Variants in DDX55 observed in about 807,000 individuals in gnomAD.
The protein encoded by DDX55 is ATP-dependent RNA helicase DDX55.
DDX55 carries 56 observed loss-of-function variants against 69.2 expected under a neutral mutation model. That is an observed-to-expected ratio of 0.81 (90% CI 0.65 to 1.01). The LOEUF is 1.01. DDX55 is among the 50% of genes least tolerant of loss of function. The pLI, the probability that DDX55 is intolerant of heterozygous loss-of-function variation, is 0.00. For missense variants in DDX55, 720 were observed against 745.1 expected, an observed-to-expected ratio of 0.97 and a Z score of 0.39; for synonymous variants, 268 against 273.1, an observed-to-expected ratio of 0.98 and a Z score of 0.18.
chr12:123,619,881 T>C (rs1175190658), intron 13 of DDX55, 83 bp from the exon 14 acceptor site: 8 of 1,533,474 alleles, frequency 5.2e-6, no homozygotes, highest in South Asian at 2.7e-5. Context: ...TGAGAGCTTA[T>C]AGTTCTTGAG....
Position 123,613,031 on chromosome 12 carries a change from C to A in DDX55, c.742-139C>A, listed in dbSNP as rs1954381573. ...GATATTTATTCTGAGCTAGGTAGAC[C>A]AGTTAACATTCCGACTAAAGTCTGT... is the stretch of plus-strand genomic sequence containing the variant. On this transcript the variant is annotated intron_variant, in intron 7 of 13. Coordinates refer to ENST00000238146, the MANE Select transcript of DDX55 (RefSeq NM_020936.3). 6.4e-6 allele frequency: 5 copies of A among 783,882 alleles called. No individual in the cohort carries two copies. The Admixed American group carries it at 1.1e-4, about 18-fold the overall frequency. The allele number at this position is 783,882 out of a possible 1,614,324, so 48.6% of individuals were successfully genotyped here.
chr12:123,619,867 A>G lies in DDX55; in HGVS notation c.1627-97A>G, dbSNP rs961579996. On this transcript the variant is annotated intron_variant, in intron 13 of 13. Coordinates refer to ENST00000238146, the MANE Select transcript of DDX55 (RefSeq NM_020936.3). ...GGAATTTGCTCTATTTGCAGAAGCC[A>G]ATCTGAGAGCTTATAGTTCTTGAGT... is the stretch of plus-strand genomic sequence containing the variant. 1.2e-5 allele frequency: 18 copies of G among 1,525,496 alleles called. No individual in the cohort carries two copies. The South Asian group carries it at 1.5e-4, about 13-fold the overall frequency. The allele number at this position is 1,525,496 out of a possible 1,614,324, so 94.5% of individuals were successfully genotyped here. A position where few individuals can be genotyped will look rare whatever the true frequency, so the allele number is the denominator to read the frequency against.
chr12:123,617,861 A>C lies in DDX55; in HGVS notation c.1153A>C (p.Ile385Leu), dbSNP rs748310118. The C allele has an allele frequency of 1.2e-6, 2 of 1,614,108 alleles. No homozygotes were observed. Among genetic ancestry groups the C allele is most frequent in the Non-Finnish European group, 1.7e-6 (2 of 1,179,996 alleles). ...AGAGTCATACATCAATTTCCTTGCA[A>C]TTAACCAAAAAGTAAGCTGCCGTCC... ...MEESYINFLA[I>L]NQKCPLQEMK... is the part of the protein sequence containing the mutation. The change falls in exon 11 of 14, where the codon ATT (isoleucine) becomes CTT (leucine). Residue 385 changes from isoleucine (I) to leucine (L), a missense_variant. Physicochemically the swap from Ile to Leu is conservative, Grantham distance 5 (BLOSUM62 2). Coordinates refer to ENST00000238146, the MANE Select transcript of DDX55 (RefSeq NM_020936.3).
chr12:123,618,653 A>ATGTG lies in DDX55; in HGVS notation c.1165-6_1165-3dup. On this transcript the variant is annotated splice_polypyrimidine_tract_variant and intron_variant, in intron 11 of 13. Coordinates refer to ENST00000238146, the MANE Select transcript of DDX55 (RefSeq NM_020936.3). ...CAGCCAGGGAAGGTGAGAATGTGGT[A>ATGTG]TGTGTGTGTGTGTAGTGCCCCCTGC... The ATGTG allele has an allele frequency of 6.2e-7, 1 of 1,601,516 alleles. No individual in the cohort carries two copies. The highest frequency in any genetic ancestry group is 1.1e-5 in the South Asian group (1 of 89,388).
chr12:123,613,174 G>A lies in DDX55; in HGVS notation c.746G>A (p.Cys249Tyr). 1 of 1,614,044 alleles carries A rather than the reference G, an allele frequency of 6.2e-7. No individual in the cohort carries two copies. The highest frequency in any genetic ancestry group is 8.5e-7 in the Non-Finnish European group (1 of 1,179,984). The part of the protein sequence containing the change: ...PSRLENYYMV[C>Y]KADEKFNQLV... Reference sequence around the variant, plus strand: ...GTTTCCCTTTTTATTTTGCAGGTATGCAAGGCAGATGAGAAATTTAATCAG... The same window carrying A: ...GTTTCCCTTTTTATTTTGCAGGTATACAAGGCAGATGAGAAATTTAATCAG... The change falls in exon 8 of 14, where the codon TGC (cysteine) becomes TAC (tyrosine). Residue 249 changes from cysteine to tyrosine, a missense_variant. By Grantham distance (194) the Cys-to-Tyr change is radical (BLOSUM62 -2). Transcript: ENST00000238146.
At chr12:123,617,921 G>C in intron 11 of DDX55, 49 bp downstream of exon 11, 1 of 1,548,960 alleles carries the variant, frequency 6.5e-7, no homozygotes, top group Non-Finnish European at 8.9e-7. Context: ...CGGGGTAGCT[G>C]GAAAAGTTCT....
chr12:123,619,383 T>C (rs774225309), intron 12 of DDX55, 49 bp from the exon 13 acceptor site: 10 of 1,550,878 alleles, frequency 6.4e-6, no homozygotes, highest in Non-Finnish European at 7.8e-6. Flanking sequence ...CATTACTGAT[T>C]GTTCTAATCC....
chr12:123,618,683 G>A lies in DDX55; in HGVS notation c.1179G>A (p.Glu393=), dbSNP rs1003616944. ...TGTGTGTGTAGTGCCCCCTGCAGGA[G>A]ATGAAGCCCCAGAGAAACACAGCGG... ...LAINQKCPLQ[E]MKPQRNTADL... Residue 393 remains glutamate, a synonymous_variant, in exon 12 of 14, where the codon GAG becomes GAA. Transcript: ENST00000238146. 1.9e-6 allele frequency: 3 copies of A among 1,614,084 alleles called. No homozygotes were observed. Among genetic ancestry groups the A allele is most frequent in the Non-Finnish European group, 2.5e-6 (3 of 1,180,002 alleles).
intron 10 of DDX55, 83 bp from the exon 11 acceptor site, chr12:123,617,675 G>A: frequency 7.8e-7 from 1 of 1,288,496 alleles, no homozygotes; most frequent in Non-Finnish European, 1.1e-6. Flanking sequence ...GAGCGTTTTA[G>A]CTGCAGCAGC....
chr12:123,612,949 C>G (rs948824382), intron 7 of DDX55, among the ~76,000 whole-genome samples: 6 of 152,102 alleles, frequency 3.9e-5, no homozygotes, highest in African/African-American at 1.4e-4. Context: ...CTGTGTTTCT[C>G]TGAGCTATAT....
intron 8 of DDX55, among the ~76,000 whole-genome samples, chr12:123,613,793 T>C (rs911480332): frequency 1.3e-5 from 2 of 152,092 alleles, no homozygotes; most frequent in Non-Finnish European, 2.9e-5. Flanking sequence ...TCTGCCTCTG[T>C]AGTAGTGGCC....
intron 9 of DDX55, 95 bp downstream of exon 9, chr12:123,615,411 T>C: frequency 4.0e-6 from 6 of 1,516,750 alleles, no homozygotes; most frequent in Non-Finnish European, 5.4e-6. Flanking sequence ...GCTGTCCGCA[T>C]GTGTTGTCTT....
intron 11 of DDX55, 99 bp from the exon 12 acceptor site, chr12:123,618,564 TGAAAAG>T (rs1252909500): frequency 1.2e-5 from 18 of 1,547,588 alleles, no homozygotes; most frequent in Non-Finnish European, 1.6e-5. Flanking sequence ...CCTCAACAGT[TGAAAAG>T]GAATTGTTTC....
At chr12:123,616,427 C>T in intron 9 of DDX55, 84 bp from the exon 10 acceptor site, 1 of 1,217,190 alleles carries the variant, frequency 8.2e-7, no homozygotes. Context: ...ACCTGTGTGT[C>T]ACTGTCATCG....
intron 13 of DDX55, 51 bp from the exon 14 acceptor site, chr12:123,619,913 C>G (rs7302183): frequency 0.43 from 678,367 of 1,570,202 alleles, 152,961 homozygotes; most frequent in African/African-American, 0.68. Flanking sequence ...GGTTTCACTA[C>G]AACACTATTG....
Position 123,620,309 on chromosome 12 carries a change from A to T in DDX55, c.*169A>T. On this transcript the variant is annotated 3_prime_UTR_variant, in exon 14 of 14. Coordinates refer to ENST00000238146, the MANE Select transcript of DDX55 (RefSeq NM_020936.3). ...AGAAATGAAGGATTTCACACTTCAG[A>T]ATATTTTACTAAAAACATTCCAGTC... 1.5e-6 allele frequency: 1 copy of T among 659,354 alleles called. No individual in the cohort carries two copies. Among genetic ancestry groups the T allele is most frequent in the Non-Finnish European group, 2.4e-6 (1 of 421,302 alleles). 40.8% of individuals were successfully genotyped at this position (659,354 alleles called of 1,614,324 possible).
intron 1 of DDX55, chr12:123,605,481 C>A (rs1953831693): frequency 1.7e-5 from 5 of 297,594 alleles, no homozygotes; most frequent in South Asian, 1.6e-4. Flanking sequence ...AGGGCTGAAT[C>A]CTGGAGGGAG....
intron 12 of DDX55, 33 bp from the exon 13 acceptor site, chr12:123,619,399 A>G (rs767578257): frequency 1.8e-5 from 28 of 1,585,330 alleles, no homozygotes; most frequent in Non-Finnish European, 2.3e-5. Flanking sequence ...AATCCTGTTG[A>G]GTGCGCTAAC....
chr12:123,611,592 T>C lies in DDX55; in HGVS notation c.741+1464T>C, dbSNP rs563806330. Reference sequence around the variant, plus strand: ...GGAGGCTGGTCTCGAAACCAGAATGTTCCTATTGCTGCAGACTGTGAGGTT... The same window carrying C: ...GGAGGCTGGTCTCGAAACCAGAATGCTCCTATTGCTGCAGACTGTGAGGTT... On this transcript the variant is annotated intron_variant, in intron 7 of 13. Transcript: ENST00000238146. Among the ~76,000 whole-genome samples the C allele has an allele frequency of 9.2e-5, 14 of 152,370 alleles. No homozygotes were observed. In the East Asian group the frequency reaches 2.3e-3, roughly 25 times the overall value.
Sources: gnomAD v4.1 joint callset for allele counts (sites outside exome capture counted in the v4.1 genomes callset) on GRCh38, gnomAD v4.1.1 for gene constraint, MANE v1.5 for transcripts, NCBI Gene and HGNC (gene_info 2026-07-23, HGNC 2026-07-21) for gene names.